The following RGL1 variants were observed in gnomAD, a reference collection of about 807,000 sequenced individuals.
RGL1 encodes ral guanine nucleotide dissociation stimulator like 1.
A neutral mutation model predicts 95.2 loss-of-function variants in RGL1; 24 were observed. The observed-to-expected ratio is 0.25, with a 90% CI of 0.18 to 0.35. The LOEUF is 0.35. Ranked by LOEUF, RGL1 falls within the 10% of genes least tolerant of loss-of-function variation. RGL1 has a pLI of 1.00. For missense variants in RGL1, 715 were observed against 936.3 expected (o/e 0.76, Z 3.08); for synonymous variants, 329 against 344.9 (o/e 0.95, Z 0.51).
chr1:183,816,687 C>A (rs557691286), intron 2 of RGL1, among the ~76,000 whole-genome samples: 109 of 152,304 alleles, frequency 7.2e-4, no homozygotes, highest in Non-Finnish European at 1.1e-3. Flanking sequence ...AACCTAGAGG[C>A]CTTTTTTTCT....
At chr1:183,832,156 G>A (rs964481788) in intron 2 of RGL1, among the ~76,000 whole-genome samples, 2 of 152,162 alleles carry the variant, frequency 1.3e-5, no homozygotes, top group East Asian at 1.9e-4. Flanking sequence ...GGACTGAGAT[G>A]TAAATTAAGG....
intron 2 of RGL1, among the ~76,000 whole-genome samples, chr1:183,762,978 C>G (rs1658779238): frequency 6.6e-6 from 1 of 152,092 alleles, no homozygotes; most frequent in South Asian, 2.1e-4. Flanking sequence ...TAGCAAAGAC[C>G]TGAAACCAAT....
intron 1 of RGL1, among the ~76,000 whole-genome samples, chr1:183,739,980 T>C (rs1558181861): frequency 6.6e-6 from 1 of 152,208 alleles, no homozygotes; most frequent in Non-Finnish European, 1.5e-5. Context: ...TTGTACTTTG[T>C]CTGTTTTATC....
intron 2 of RGL1, among the ~76,000 whole-genome samples, chr1:183,788,141 C>G (rs141484978): frequency 7.9e-5 from 12 of 152,286 alleles, no homozygotes; most frequent in Non-Finnish European, 1.6e-4. Flanking sequence ...GGGTTCACTA[C>G]AGATACAGAA....
intron 8 of RGL1, among the ~76,000 whole-genome samples, chr1:183,890,747 G>T (rs929223467): frequency 6.6e-6 from 1 of 152,158 alleles, no homozygotes; most frequent in Non-Finnish European, 1.5e-5. Context: ...TATATGAAAT[G>T]TCCAGAATCA....
intron 1 of RGL1, among the ~76,000 whole-genome samples, chr1:183,709,078 G>A (rs1294184900): frequency 6.6e-6 from 1 of 152,218 alleles, no homozygotes; most frequent in Admixed American, 6.5e-5. Flanking sequence ...CTGTAAACAG[G>A]AAGTGCCTCA....
chr1:183,640,984 T>A (rs781210672), intron 1 of RGL1, among the ~76,000 whole-genome samples: 1 of 152,222 alleles, frequency 6.6e-6, no homozygotes, highest in Non-Finnish European at 1.5e-5. Flanking sequence ...ATAGTTTCTA[T>A]CTTTGAATTT....
intron 16 of RGL1, among the ~76,000 whole-genome samples, chr1:183,920,573 A>G (rs115071430): frequency 6.6e-6 from 1 of 152,348 alleles, no homozygotes; most frequent in African/African-American, 2.4e-5. Context: ...GTTTAAGGAA[A>G]GGAGAATGAA....
At chr1:183,702,728 CAG>C (rs780679583) in intron 1 of RGL1, among the ~76,000 whole-genome samples, 14 of 152,192 alleles carry the variant, frequency 9.2e-5, no homozygotes, top group Non-Finnish European at 1.6e-4. Context: ...GACCAACTGA[CAG>C]GGGATTGGAG....
chr1:183,919,958 A>G (rs1421153909), intron 16 of RGL1, among the ~76,000 whole-genome samples: 1 of 152,196 alleles, frequency 6.6e-6, no homozygotes, highest in Non-Finnish European at 1.5e-5. Flanking sequence ...AAAGTAAAAT[A>G]CTGCATTAAC....
intron 2 of RGL1, among the ~76,000 whole-genome samples, chr1:183,744,019 C>G (rs1657469991): frequency 6.6e-6 from 1 of 152,166 alleles, no homozygotes; most frequent in South Asian, 2.1e-4. Context: ...TGGTCCCTTC[C>G]CCTCCATATT....
intron 2 of RGL1, among the ~76,000 whole-genome samples, chr1:183,757,134 A>G (rs1658389295): frequency 6.6e-6 from 1 of 151,544 alleles, no homozygotes; most frequent in Non-Finnish European, 1.5e-5. Flanking sequence ...AATGTTCTCT[A>G]TGGCTATCGA....
chr1:183,839,976 G>A (rs1663928768), intron 2 of RGL1, among the ~76,000 whole-genome samples: 1 of 152,196 alleles, frequency 6.6e-6, no homozygotes. Flanking sequence ...AGAGCCAGAG[G>A]AAACTTTCCA....
At chr1:183,682,414 T>G (rs2102082042) in intron 1 of RGL1, among the ~76,000 whole-genome samples, 1 of 152,328 alleles carries the variant, frequency 6.6e-6, no homozygotes, top group East Asian at 1.9e-4. Flanking sequence ...CTGCCTTCAT[T>G]TTGTTATTTA....
At chr1:183,695,453 A>G (rs1395028526) in intron 1 of RGL1, among the ~76,000 whole-genome samples, 1 of 152,220 alleles carries the variant, frequency 6.6e-6, no homozygotes, top group Admixed American at 6.5e-5. Context: ...CTACAGAAAA[A>G]GAAACCAGGT....
intron 2 of RGL1, among the ~76,000 whole-genome samples, chr1:183,810,131 A>G (rs1465963800): frequency 1.3e-5 from 2 of 152,210 alleles, no homozygotes; most frequent in Non-Finnish European, 2.9e-5. Flanking sequence ...AGGAAGTGTA[A>G]CATTTCAGGA....
At chr1:183,875,537 G>A (rs1021721138) in intron 4 of RGL1, among the ~76,000 whole-genome samples, 9 of 152,104 alleles carry the variant, frequency 5.9e-5, no homozygotes, top group Non-Finnish European at 1.2e-4. Flanking sequence ...TCTGTCTAAT[G>A]TCTTCTAAGC....
chr1:183,908,988 A>G (rs1484283317), intron 14 of RGL1, among the ~76,000 whole-genome samples: 5 of 152,166 alleles, frequency 3.3e-5, no homozygotes, highest in South Asian at 2.1e-4. Context: ...GGTCAGTCCT[A>G]TGAAAACATT....
At chr1:183,805,997 T>TTTTTTTTTTC (rs1661302793) in intron 1 of RGL1, among the ~76,000 whole-genome samples, 1 of 80,560 alleles carries the variant, frequency 1.2e-5, no homozygotes, top group Non-Finnish European at 2.4e-5. Context: ...TTTTTTTTTT[T>TTTTTTTTTTC]TTTTTTTTTT....
Sources: allele counts gnomAD v4.1 joint callset (sites outside exome capture counted in the v4.1 genomes callset), GRCh38; gene constraint gnomAD v4.1.1; transcripts MANE v1.5; gene names NCBI Gene and HGNC (gene_info 2026-07-23, HGNC 2026-07-21).